HMGA2: variants seen among roughly 807,000 people sequenced by gnomAD.
The protein encoded by HMGA2 is high mobility group AT-hook 2.
Under a neutral mutation model 19.1 loss-of-function variants are expected in HMGA2, and 8 were observed. That is an observed-to-expected ratio of 0.42 (90% CI 0.25 to 0.76). The LOEUF is 0.76. Among genes scored for constraint, HMGA2 ranks in the 30% least tolerant of loss-of-function variants. HMGA2 has a pLI of 0.28. For missense variants in HMGA2, 109 were observed against 136.3 expected (o/e 0.80, Z 1.00); for synonymous variants, 60 against 48.8 (o/e 1.23, Z -0.96).
chr12:65,827,906 T>C, intron 1 of HMGA2, 95 bp from the exon 2 acceptor site: 1 of 856,040 alleles, frequency 1.2e-6, no homozygotes, highest in Non-Finnish European at 2.0e-6. Flanking sequence ...ACAGCTCTTT[T>C]GAGCAGCACA....
At chr12:65,926,772 C>G (rs922219358) in intron 3 of HMGA2, among the ~76,000 whole-genome samples, 1 of 152,170 alleles carries the variant, frequency 6.6e-6, no homozygotes, top group Non-Finnish European at 1.5e-5. Flanking sequence ...GAAGCACCCT[C>G]ATTGTCACAG....
In HMGA2 at chr12:65,953,948, C is replaced by T. The variant is rs1327853228; in HGVS notation, c.282+2533C>T. The T allele has an allele frequency of 2.0e-5, 3 of 152,318 alleles. 1 individual carries two copies. The highest frequency in any genetic ancestry group is 2.0e-4 in the Admixed American group (3 of 15,292). The allele number at this position is 152,318 out of a possible 1,614,324, so 9.4% of individuals were successfully genotyped here. A position where few individuals can be genotyped will look rare whatever the true frequency, so the allele number is the denominator to read the frequency against. On this transcript the variant is annotated intron_variant, in intron 4 of 4. Coordinates refer to ENST00000403681, the MANE Select transcript of HMGA2 (RefSeq NM_003483.6). ...ACTCAGCCTCATATCCTTCCTTCAA[C>T]AGCACTTTGAGGGGTTACATTCAGA...
intron 3 of HMGA2, among the ~76,000 whole-genome samples, chr12:65,840,693 G>A (rs1423372855): frequency 2.6e-5 from 4 of 152,136 alleles, no homozygotes; most frequent in Admixed American, 1.3e-4. Context: ...CTAAGCATCA[G>A]AACTCTGAAA....
chr12:65,854,425 C>T (rs1356968037), intron 3 of HMGA2, among the ~76,000 whole-genome samples: 1 of 152,122 alleles, frequency 6.6e-6, no homozygotes, highest in African/African-American at 2.4e-5. Context: ...AGAACAAGAT[C>T]TCAATTAGGA....
chr12:65,945,223 G>T (rs560516933), intron 3 of HMGA2, among the ~76,000 whole-genome samples: 2 of 150,680 alleles, frequency 1.3e-5, no homozygotes, highest in South Asian at 4.2e-4. Context: ...TGTGGGGGAG[G>T]TTCTTATGCT....
At chr12:65,858,953 G>C (rs1317478384) in intron 3 of HMGA2, 1 of 152,158 alleles carries the variant, frequency 6.6e-6, no homozygotes, top group East Asian at 1.9e-4. Context: ...CTGGGATATT[G>C]CCACCCTTGA....
At chr12:65,827,947 A>G in intron 1 of HMGA2, 54 bp from the exon 2 acceptor site, 1 of 1,245,528 alleles carries the variant, frequency 8.0e-7, no homozygotes, top group Non-Finnish European at 1.2e-6. Context: ...AGTCAGGGTC[A>G]ATTTCTTTCA....
At chr12:65,922,708 A>G (rs964164796) in intron 3 of HMGA2, among the ~76,000 whole-genome samples, 5 of 152,148 alleles carry the variant, frequency 3.3e-5, no homozygotes, top group Admixed American at 6.6e-5. Flanking sequence ...GGCCAGGGGC[A>G]GTATGATATG....
At chr12:65,868,823 T>C (rs1872566862) in intron 3 of HMGA2, among the ~76,000 whole-genome samples, 1 of 152,192 alleles carries the variant, frequency 6.6e-6, no homozygotes, top group Non-Finnish European at 1.5e-5. Context: ...ATTAGTGGTA[T>C]TTATTGGTTA....
intron 3 of HMGA2, among the ~76,000 whole-genome samples, chr12:65,903,861 A>C (rs1874474737): frequency 6.6e-6 from 1 of 152,186 alleles, no homozygotes; most frequent in African/African-American, 2.4e-5. Flanking sequence ...GATAACATCC[A>C]TTTTTGTTGC....
chr12:65,881,948 G>T, intron 3 of HMGA2: 1 of 700,644 alleles, frequency 1.4e-6, no homozygotes, highest in Middle Eastern at 2.3e-4. Flanking sequence ...CCAATTGCGG[G>T]GGTTCCTCCG....
At chr12:65,826,204 G>A (rs1957849280) in intron 1 of HMGA2, 2 of 152,424 alleles carry the variant, frequency 1.3e-5, no homozygotes, top group Admixed American at 1.3e-4. Flanking sequence ...GCCATTAAAT[G>A]CTCTTCTCCA....
chr12:65,835,044 C>T lies in HMGA2; in HGVS notation c.199-3475C>T, dbSNP rs150499599. The stretch of plus-strand genomic sequence containing the variant: ...CAGTTCTTACCAATGAGAATTCCGA[C>T]CATATCTCCCTTTTCTCTCTTGATG... On this transcript the variant is annotated intron_variant, in intron 2 of 4. Transcript: ENST00000403681. 7.2e-3 allele frequency among the ~76,000 whole-genome samples: 1,101 copies of T among 152,274 alleles called. 3 individuals are homozygous for T. Among genetic ancestry groups the T allele is most frequent in the Middle Eastern group, 0.014 (4 of 292 alleles).
intron 3 of HMGA2, among the ~76,000 whole-genome samples, chr12:65,846,043 TAAG>T (rs1396490914): frequency 2.0e-5 from 3 of 152,290 alleles, no homozygotes; most frequent in Admixed American, 6.5e-5. Context: ...AAAGGCTTGG[TAAG>T]AAGGAGGCTG....
At chr12:65,880,998 T>A (rs891232673) in intron 3 of HMGA2, among the ~76,000 whole-genome samples, 1 of 152,178 alleles carries the variant, frequency 6.6e-6, no homozygotes, top group African/African-American at 2.4e-5. Context: ...AATTTTCAAA[T>A]GTCCTTTCTG....
chr12:65,945,763 G>C (rs1233832614), intron 3 of HMGA2, among the ~76,000 whole-genome samples: 2 of 152,090 alleles, frequency 1.3e-5, no homozygotes, highest in African/African-American at 4.8e-5. Flanking sequence ...CAATATTTTG[G>C]AACATTTTTT....
intron 3 of HMGA2, among the ~76,000 whole-genome samples, chr12:65,877,712 T>C (rs1490744134): frequency 6.6e-6 from 1 of 151,874 alleles, no homozygotes; most frequent in Non-Finnish European, 1.5e-5. Context: ...TGAGAACTCT[T>C]CAAGTCACTG....
intron 3 of HMGA2, among the ~76,000 whole-genome samples, chr12:65,872,207 G>A (rs1872743520): frequency 6.6e-6 from 1 of 152,052 alleles, no homozygotes; most frequent in Admixed American, 6.6e-5. Context: ...CAAATCCAGG[G>A]GACACTTCTC....
chr12:65,882,064 C>T (rs1044377890), intron 3 of HMGA2: 1 of 593,820 alleles, frequency 1.7e-6, no homozygotes, highest in Non-Finnish European at 3.1e-6. Flanking sequence ...AAGCTGTCCA[C>T]CTTGTCCGGA....
Sources: gnomAD v4.1 joint callset for allele counts (sites outside exome capture counted in the v4.1 genomes callset) on GRCh38, gnomAD v4.1.1 for gene constraint, MANE v1.5 for transcripts, NCBI Gene and HGNC (gene_info 2026-07-23, HGNC 2026-07-21) for gene names.